Variants in UFSP2 observed in about 807,000 individuals in gnomAD.
The protein encoded by UFSP2 is UFM1 specific peptidase 2, also known as ufm1-specific protease 2.
A neutral mutation model predicts 60.2 loss-of-function variants in UFSP2; 43 were observed. The observed-to-expected ratio is 0.71, with a 90% CI of 0.56 to 0.92. UFSP2 has a LOEUF of 0.92. Ranked by LOEUF, UFSP2 falls within the 40% of genes least tolerant of loss-of-function variation. UFSP2 has a pLI of 0.00. For missense variants in UFSP2, 520 were observed against 575.0 expected (o/e 0.90, Z 0.98); for synonymous variants, 183 against 195.1 (o/e 0.94, Z 0.52).
intron 7 of UFSP2, among the ~76,000 whole-genome samples, chr4:185,413,102 C>G (rs965513777): frequency 6.6e-6 from 1 of 152,124 alleles, no homozygotes; most frequent in South Asian, 2.1e-4. Context: ...GTCAGGAGTT[C>G]ACGACCAGCC....
In UFSP2 at chr4:185,406,019, G is replaced by A. The variant is rs528049030; in HGVS notation, c.1122-163C>T. ...TTAGGGAACTGAGAGCAATTAAACT[G>A]TGCAATTTAAAGCAACATAAACTCA... is the stretch of plus-strand genomic sequence containing the variant. On this transcript the variant is annotated intron_variant, in intron 9 of 11. Coordinates refer to ENST00000264689, the MANE Select transcript of UFSP2 (RefSeq NM_018359.5). 4 of 1,448,900 alleles carry A rather than the reference G, an allele frequency of 2.8e-6. No homozygotes were observed. The Admixed American group carries it at 8.0e-5, about 29-fold the overall frequency. 89.8% of individuals were successfully genotyped at this position (1,448,900 alleles called of 1,614,324 possible).
At chr4:185,406,858 G>C (rs1207318367) in intron 9 of UFSP2, among the ~76,000 whole-genome samples, 1 of 152,048 alleles carries the variant, frequency 6.6e-6, no homozygotes, top group Non-Finnish European at 1.5e-5. Context: ...TTACAGGCGT[G>C]AGCCACTGTG....
chr4:185,425,302 G>A lies in UFSP2; in HGVS notation c.3+564C>T, dbSNP rs562413149. 7.2e-5 allele frequency among the ~76,000 whole-genome samples: 11 copies of A among 152,244 alleles called. No homozygotes were observed. The South Asian group carries it at 1.4e-3, about 20-fold the overall frequency. ...AGTGGAAATGCTCAGTTTGGAACTTGCTGAGCTTGAAATACATATGAGCTA... is the reference window on the plus strand; with the variant it reads ...AGTGGAAATGCTCAGTTTGGAACTTACTGAGCTTGAAATACATATGAGCTA... On this transcript the variant is annotated intron_variant, in intron 1 of 11. Coordinates refer to ENST00000264689, the MANE Select transcript of UFSP2 (RefSeq NM_018359.5).
At chr4:185,414,601 T>C (rs1364847424) in intron 6 of UFSP2, among the ~76,000 whole-genome samples, 5 of 152,174 alleles carry the variant, frequency 3.3e-5, no homozygotes, top group Admixed American at 6.5e-5. Flanking sequence ...TCTAATTTGA[T>C]AGGTTCTAAG....
rs1181842134 is a variant in UFSP2, at chr4:185,405,754, CA to C, written c.1198+25del. 7 of 1,610,126 alleles carry C rather than the reference CA, an allele frequency of 4.3e-6. No homozygotes were observed. The South Asian group carries it at 6.6e-5, about 15-fold the overall frequency. On this transcript the variant is annotated intron_variant, in intron 10 of 11. Transcript: ENST00000264689. Reference sequence around the variant, plus strand: ...AAGTTTTGCATATTACTCACTCTACCAAAAACAGTGTCTGAAACAGCTTACC... The same window carrying C: ...AAGTTTTGCATATTACTCACTCTACCAAAACAGTGTCTGAAACAGCTTACC...
rs9999683 is a variant in UFSP2, at chr4:185,400,055, C to A, written c.*337G>T. 3 of 1,536,440 alleles carry A rather than the reference C, an allele frequency of 2.0e-6. No homozygotes were observed. The highest frequency in any genetic ancestry group is 2.3e-5 in the East Asian group (1 of 44,430). ...TATGAAGAAGTCTGAAGAACGCCTT[C>A]ATTTCATGCAAATCTATAAGCTCCT... On this transcript the variant is annotated 3_prime_UTR_variant, in exon 12 of 12. Coordinates refer to ENST00000264689, the MANE Select transcript of UFSP2 (RefSeq NM_018359.5).
intron 1 of UFSP2, among the ~76,000 whole-genome samples, chr4:185,424,893 A>G (rs577319301): frequency 3.9e-5 from 6 of 152,364 alleles, no homozygotes; most frequent in African/African-American, 1.4e-4. Context: ...TAAAAGCACT[A>G]GTCTTCCTAG....
In UFSP2 at chr4:185,413,900, A is replaced by G. The variant is rs536525619; in HGVS notation, c.685-28T>C. The G allele has an allele frequency of 7.7e-6, 12 of 1,563,894 alleles. No individual in the cohort carries two copies. The South Asian group carries it at 1.5e-4, about 19-fold the overall frequency. Reference sequence around the variant, plus strand: ...AAAATAAATCAGAATCAACAGAAAAAGAAAAAATGTTGGTGATTTAGATTC... The same window carrying G: ...AAAATAAATCAGAATCAACAGAAAAGGAAAAAATGTTGGTGATTTAGATTC... On this transcript the variant is annotated intron_variant, in intron 6 of 11. Coordinates refer to ENST00000264689, the MANE Select transcript of UFSP2 (RefSeq NM_018359.5).
At chr4:185,420,025 T>A (rs1342355509) in intron 2 of UFSP2, among the ~76,000 whole-genome samples, 1 of 152,208 alleles carries the variant, frequency 6.6e-6, no homozygotes, top group Non-Finnish European at 1.5e-5. Flanking sequence ...TATATTCCCA[T>A]CAGTAATCTA....
intron 2 of UFSP2, among the ~76,000 whole-genome samples, chr4:185,419,110 A>C (rs1007816574): frequency 3.9e-5 from 6 of 152,016 alleles, no homozygotes; most frequent in African/African-American, 1.2e-4. Flanking sequence ...TCTAATTGAA[A>C]ATTTTCTGAT....
chr4:185,404,961 G>A (rs944697973), intron 10 of UFSP2, among the ~76,000 whole-genome samples: 4 of 150,132 alleles, frequency 2.7e-5, no homozygotes, highest in African/African-American at 9.8e-5. Context: ...TACTCATTAA[G>A]TTCTTTCTGA....
At position 185,418,459 on chromosome 4, in the gene UFSP2, G is replaced by A; in HGVS notation, c.315C>T (p.Asp105=). The change falls in exon 4 of 12, where the codon GAC becomes GAT. Residue 105 remains aspartate, a synonymous_variant. Transcript: ENST00000264689. ...DIKRKFMRKK[D]KKLSDMHQIV... ...TGCTTACCATGTCTGATAACTTTTTGTCCTTCTTTCTCATGAATTTTCTTT... is the reference window on the plus strand; with the variant it reads ...TGCTTACCATGTCTGATAACTTTTTATCCTTCTTTCTCATGAATTTTCTTT... 2 of 1,608,848 alleles carry A rather than the reference G, an allele frequency of 1.2e-6. No homozygotes were observed. The highest frequency in any genetic ancestry group is 1.7e-6 in the Non-Finnish European group (2 of 1,176,176).
chr4:185,419,201 G>C lies in UFSP2; in HGVS notation c.83-431C>G, dbSNP rs535373116. ...GGCTGGAGTGCAGTGGCGCGATCTG[G>C]GCTCACTGCAAGCTCCGCCTCCCGG... On this transcript the variant is annotated intron_variant, in intron 2 of 11. Transcript: ENST00000264689. Among the ~76,000 whole-genome samples, 5 of 151,988 alleles carry C rather than the reference G, an allele frequency of 3.3e-5. No homozygotes were observed. In the East Asian group the frequency reaches 9.7e-4, roughly 29 times the overall value.
At position 185,413,863 on chromosome 4, in the gene UFSP2, C is replaced by A. The variant is rs761020954; in HGVS notation, c.694G>T (p.Asp232Tyr). ...QLQAYRKELH[D>Y]LFNLPHDRPY... The stretch of plus-strand genomic sequence containing the variant: ...CTGTCGTGAGGCAGATTGAAAAGAT[C>A]ATGTAACTCCTAAAATAAATCAGAA... Residue 232 changes from aspartate (D) to tyrosine (Y), a missense_variant, in exon 7 of 12, where the codon GAT (aspartate) becomes TAT (tyrosine). Coordinates refer to ENST00000264689, the MANE Select transcript of UFSP2 (RefSeq NM_018359.5). The A allele has an allele frequency of 1.3e-6, 2 of 1,599,212 alleles. No individual in the cohort carries two copies. The highest frequency in any genetic ancestry group is 3.5e-5 in the Admixed American group (2 of 56,512).
intron 7 of UFSP2, 136 bp downstream of exon 7, chr4:185,413,590 T>TTAA (rs1388859551): frequency 8.1e-6 from 7 of 868,142 alleles, no homozygotes; most frequent in Non-Finnish European, 1.2e-5. Flanking sequence ...AAGCAATGTC[T>TTAA]GTTAACAGAG....
At chr4:185,408,737 C>G (rs2095524444) in intron 7 of UFSP2, among the ~76,000 whole-genome samples, 1 of 152,128 alleles carries the variant, frequency 6.6e-6, no homozygotes, top group Admixed American at 6.5e-5. Flanking sequence ...GCAATATGAC[C>G]TTGGAGCCTC....
chr4:185,418,951 C>T (rs2095544253), intron 2 of UFSP2, among the ~76,000 whole-genome samples, 181 bp from the exon 3 acceptor site: 2 of 151,902 alleles, frequency 1.3e-5, no homozygotes, highest in African/African-American at 4.8e-5. Flanking sequence ...ATTCACAGAC[C>T]ATCAAATTCA....
intron 7 of UFSP2, among the ~76,000 whole-genome samples, chr4:185,412,857 A>T (rs142880325): frequency 9.2e-5 from 14 of 152,220 alleles, no homozygotes; most frequent in African/African-American, 3.4e-4. Context: ...TGGATGCCTT[A>T]TAAGGTCCTT....
intron 1 of UFSP2, among the ~76,000 whole-genome samples, chr4:185,423,151 G>A (rs532674872): frequency 1.3e-5 from 2 of 152,290 alleles, no homozygotes; most frequent in East Asian, 1.9e-4. Flanking sequence ...GAGCCACCGC[G>A]CCCAGCTGGC....
Sources: gnomAD v4.1 joint callset for allele counts (sites outside exome capture counted in the v4.1 genomes callset) on GRCh38, gnomAD v4.1.1 for gene constraint, MANE v1.5 for transcripts, NCBI Gene and HGNC (gene_info 2026-07-23, HGNC 2026-07-21) for gene names.